The following KCNH2 variants were observed in gnomAD, a reference collection of about 807,000 sequenced individuals.
KCNH2 encodes the protein voltage-gated inwardly rectifying potassium channel KCNH2.
Under a neutral mutation model 95.9 loss-of-function variants are expected in KCNH2, and 35 were observed. The observed-to-expected ratio is 0.37, with a 90% CI of 0.28 to 0.48. KCNH2 has a LOEUF of 0.48. Among genes scored for constraint, KCNH2 ranks in the 20% least tolerant of loss-of-function variants. The pLI is 0.99. For missense variants in KCNH2, 1,274 were observed against 1,702.9 expected (o/e 0.75, Z 4.43); for synonymous variants, 786 against 754.7 (o/e 1.04, Z -0.68).
rs1800880379 is a variant in KCNH2, at chr7:150,946,160, CGCCT to C, written c.3331-650_3331-647del. ...AGTGGGGAGGGAGCAGATCCCAGGC[CGCCT>C]CTGGCAGCCAGAGGAGTCCCCACCA... On this transcript the variant is annotated intron_variant, in intron 14 of 14. Transcript: ENST00000262186. The surrounding 1 kb of genome is among the most constrained non-coding windows in gnomAD (Gnocchi z 6.5). Among the ~76,000 whole-genome samples the C allele has an allele frequency of 6.6e-6, 1 of 152,072 alleles. No individual in the cohort carries two copies. The highest frequency in any genetic ancestry group is 1.5e-5 in the Non-Finnish European group (1 of 68,002).
intron 2 of KCNH2, among the ~76,000 whole-genome samples, chr7:150,966,286 G>A (rs1160288708): frequency 0.031 from 1 of 32 alleles, no homozygotes; most frequent in African/African-American, 0.083. Flanking sequence ...ACCCCAGACA[G>A]CCTGGTAAGC....
intron 10 of KCNH2, 81 bp from the exon 11 acceptor site, chr7:150,948,624 C>A (rs1801014783): frequency 7.4e-7 from 1 of 1,350,030 alleles, no homozygotes. Flanking sequence ...CTCCTTAACA[C>A]AGAAAAAGTA....
At position 150,958,045 on chromosome 7, in the gene KCNH2, C is replaced by T. The variant is rs1009321830; in HGVS notation, c.916+14G>A. On this transcript the variant is annotated intron_variant, in intron 4 of 14. Coordinates refer to ENST00000262186, the MANE Select transcript of KCNH2 (RefSeq NM_000238.4). Reference sequence around the variant, plus strand: ...GCGTGGGCTGGGGCGGAACGGGTCCCGCGGCGCCCTCACCGGTGCTGGCGT... The same window carrying T: ...GCGTGGGCTGGGGCGGAACGGGTCCTGCGGCGCCCTCACCGGTGCTGGCGT... 3.2e-6 allele frequency: 4 copies of T among 1,262,640 alleles called. No homozygotes were observed. Among genetic ancestry groups the T allele is most frequent in the Non-Finnish European group, 9.9e-7 (1 of 1,007,580 alleles). The allele number at this position is 1,262,640 out of a possible 1,614,324, so 78.2% of individuals were successfully genotyped here. A position where few individuals can be genotyped will look rare whatever the true frequency, so the allele number is the denominator to read the frequency against.
Position 150,950,013 on chromosome 7 carries a change from G to A in KCNH2, c.2398+155C>T, listed in dbSNP as rs536958259. On this transcript the variant is annotated intron_variant, in intron 9 of 14. Transcript: ENST00000262186. Reference sequence around the variant, plus strand: ...ACGTGGGGCTCCTCTCCATGGCCCCGCTTGGAGGGCCTGAGTTTAGGTGAA... The same window carrying A: ...ACGTGGGGCTCCTCTCCATGGCCCCACTTGGAGGGCCTGAGTTTAGGTGAA... 32 of 1,573,130 alleles carry A rather than the reference G, an allele frequency of 2.0e-5. No homozygotes were observed. The highest frequency in any genetic ancestry group is 5.4e-5 in the African/African-American group (4 of 73,556).
At chr7:150,949,394 G>C in intron 9 of KCNH2, 1 of 766,162 alleles carries the variant, frequency 1.3e-6, no homozygotes, top group South Asian at 3.9e-5. Context: ...ACACAGTAGT[G>C]AATCAAAACC....
intron 2 of KCNH2, among the ~76,000 whole-genome samples, chr7:150,969,351 T>C (rs1185460645): frequency 2.6e-5 from 4 of 152,138 alleles, no homozygotes; most frequent in Non-Finnish European, 1.5e-5. Context: ...GTCACAACAA[T>C]AGAAGTGCCT....
chr7:150,977,474 C>T (rs928351563), intron 1 of KCNH2, among the ~76,000 whole-genome samples: 3 of 152,282 alleles, frequency 2.0e-5, no homozygotes, highest in South Asian at 4.1e-4. Context: ...TTGGGTCGTA[C>T]ACACTCTTAT....
Position 150,945,431 on chromosome 7 carries a change from T to A in KCNH2, c.3414A>T (p.Leu1138=), listed in dbSNP as rs1457023483. 6.4e-7 allele frequency: 1 copy of A among 1,573,462 alleles called. No individual in the cohort carries two copies. The highest frequency in any genetic ancestry group is 1.8e-5 in the Admixed American group (1 of 54,404). ...AGGTGAGGGCCCCCAGCTGGCCCGG[T>A]AGGGAGAGGCGTCGTGTGGGGCCTT... is the stretch of plus-strand genomic sequence containing the variant. ...PQEGPTRRLS[L]PGQLGALTSQ... The change falls in exon 15 of 15, where the codon CTA becomes CTT. Residue 1138 remains leucine, a synonymous_variant. Transcript: ENST00000262186. The surrounding 1 kb of genome is among the most constrained non-coding windows in gnomAD (Gnocchi z 5.6).
chr7:150,956,861 C>T (rs1464140629), intron 5 of KCNH2, among the ~76,000 whole-genome samples: 2 of 152,146 alleles, frequency 1.3e-5, no homozygotes, highest in Non-Finnish European at 2.9e-5. Context: ...ACCTCTGTGA[C>T]CCCTTCTCAT....
chr7:150,954,190 GCTGT>G (rs989014342), intron 5 of KCNH2, among the ~76,000 whole-genome samples: 1 of 152,102 alleles, frequency 6.6e-6, no homozygotes, highest in Non-Finnish European at 1.5e-5. Context: ...TGCTCTGTCT[GCTGT>G]CTAAGTGCCC....
In KCNH2 at chr7:150,958,106, G is replaced by A; in HGVS notation, c.869C>T (p.Ala290Val). 1 of 1,296,586 alleles carries A rather than the reference G, an allele frequency of 7.7e-7. No individual in the cohort carries two copies. The highest frequency in any genetic ancestry group is 9.7e-7 in the Non-Finnish European group (1 of 1,026,812). The allele number at this position is 1,296,586 out of a possible 1,614,324, so 80.3% of individuals were successfully genotyped here. A position where few individuals can be genotyped will look rare whatever the true frequency, so the allele number is the denominator to read the frequency against. The change falls in exon 4 of 15, where the codon GCC (alanine) becomes GTC (valine). Residue 290 changes from alanine to valine, a missense_variant. Ala to Val is a moderately conservative substitution (Grantham distance 64). Around this residue, in one of 7 missense-constraint regions of KCNH2, gnomAD observed 392 missense variants for 429.9 expected, o/e 0.91. Transcript: ENST00000262186. ...RRASSADDIE[A>V]MRAGVLPPPP... ...CGGGGGCAGCACCCCGGCGCGCATG[G>A]CCTCGATGTCGTCGGCCGACGAGGC...
intron 2 of KCNH2, among the ~76,000 whole-genome samples, chr7:150,968,717 TG>T (rs1801764360): frequency 6.6e-6 from 1 of 151,942 alleles, no homozygotes; most frequent in Non-Finnish European, 1.5e-5. Flanking sequence ...TTCAATTATT[TG>T]GGGGAGAGGC....
chr7:150,960,871 C>T (rs559676114), intron 2 of KCNH2, among the ~76,000 whole-genome samples: 18 of 151,668 alleles, frequency 1.2e-4, no homozygotes, highest in African/African-American at 3.4e-4. Context: ...CACCGCCCCC[C>T]GCCCCCCAAC....
chr7:150,955,407 C>T lies in KCNH2; in HGVS notation c.1128+1884G>A, dbSNP rs765679790. 15 of 1,560,580 alleles carry T rather than the reference C, an allele frequency of 9.6e-6. No individual in the cohort carries two copies. The Admixed American group carries it at 1.5e-4, about 16-fold the overall frequency. The stretch of plus-strand genomic sequence containing the variant: ...CGGGTGTCACCTACCTCCTGGGCCA[C>T]GAGGCTGGAGATGCGCACGGCCCGC... On this transcript the variant is annotated intron_variant, in intron 5 of 14. Coordinates refer to ENST00000262186, the MANE Select transcript of KCNH2 (RefSeq NM_000238.4).
rs143167166 is a variant in KCNH2, at chr7:150,945,375, G to A, written c.3470C>T (p.Pro1157Leu). The A allele has an allele frequency of 1.8e-5, 28 of 1,588,528 alleles. No homozygotes were observed. The highest frequency in any genetic ancestry group is 6.7e-5 in the African/African-American group (5 of 74,406). The change falls in exon 15 of 15, where the codon CCG (proline) becomes CTG (leucine). Residue 1157 changes from proline to leucine, a missense_variant. By Grantham distance (98) the Pro-to-Leu change is moderately conservative. Coordinates refer to ENST00000262186, the MANE Select transcript of KCNH2 (RefSeq NM_000238.4). This position sits in a 1 kb window ranked among gnomAD's most constrained non-coding sequence, Gnocchi z 5.6. ...CACTGGGCAGCCCCACTAACTGCCCGGGTCCGAGCCGTGTCTGTGCAGGGG... is the reference window on the plus strand; with the variant it reads ...CACTGGGCAGCCCCACTAACTGCCCAGGTCCGAGCCGTGTCTGTGCAGGGG... ...SQPLHRHGSDPGS is the reference protein window; with the variant it reads ...SQPLHRHGSDLGS
rs144926928 is a variant in KCNH2 at position 150,952,662 on chromosome 7, C to A, written c.1320G>T (p.Pro440=). The A allele has an allele frequency of 2.9e-4, 464 of 1,614,166 alleles. 9 individuals are homozygous for A. The Middle Eastern group carries it at 0.017, about 60-fold the overall frequency. ...AFLLKETEEG[P]PATECGYACQ... The stretch of plus-strand genomic sequence containing the variant: ...AGGCGTAGCCACACTCGGTAGCAGG[C>A]GGGCCTTCTTCCGTCTCCTTCAGCA... Residue 440 remains proline (P), a synonymous_variant, in exon 6 of 15, where the codon CCG becomes CCT. Coordinates refer to ENST00000262186, the MANE Select transcript of KCNH2 (RefSeq NM_000238.4). The surrounding 1 kb of genome is among the most constrained non-coding windows in gnomAD (Gnocchi z 7.3).
Position 150,974,930 on chromosome 7 carries a change from T to C in KCNH2, c.88A>G (p.Ile30Val). Reference sequence around the variant, plus strand: ...TTCTCCACCCGAGCGTTGGCGATGATGAACTTACGGCCTAGGGGGGCGGGG... The same window carrying C: ...TTCTCCACCCGAGCGTTGGCGATGACGAACTTACGGCCTAGGGGGGCGGGG... ...RKFEGQSRKF[I>V]IANARVENCA... Residue 30 changes from isoleucine (I) to valine (V), a missense_variant, in exon 2 of 15, where the codon ATC (isoleucine) becomes GTC (valine). Physicochemically the swap from Ile to Val is conservative, Grantham distance 29. Transcript: ENST00000262186. 6.2e-7 allele frequency: 1 copy of C among 1,605,330 alleles called. No individual in the cohort carries two copies. The highest frequency in any genetic ancestry group is 8.5e-7 in the Non-Finnish European group (1 of 1,177,316).
chr7:150,947,058 G>A lies in KCNH2; in HGVS notation c.3153-4C>T, dbSNP rs181119727. On this transcript the variant is annotated splice_region_variant and splice_polypyrimidine_tract_variant and intron_variant, in intron 13 of 14. Coordinates refer to ENST00000262186, the MANE Select transcript of KCNH2 (RefSeq NM_000238.4). ...TGCACTCAGCCGGGTCTCCAGCCTG[G>A]GGCAGGAAGTGGGGGATGCTCAGAG... The A allele has an allele frequency of 5.3e-5, 85 of 1,592,560 alleles. No individual in the cohort carries two copies. The Admixed American group carries it at 1.4e-3, about 26-fold the overall frequency.
At chr7:150,958,574 G>A in intron 3 of KCNH2, 72 bp from the exon 4 acceptor site, 1 of 1,302,314 alleles carries the variant, frequency 7.7e-7, no homozygotes, top group Non-Finnish European at 1.0e-6. Flanking sequence ...CTGGGAAATG[G>A]ACCCCCAGCC....
Sources: gnomAD v4.1 joint callset for allele counts (sites outside exome capture counted in the v4.1 genomes callset) on GRCh38, gnomAD v4.1.1 for gene constraint, gnomAD v4.1.1 regional missense constraint, Gnocchi (gnomAD v3.1) non-coding constraint, MANE v1.5 for transcripts, NCBI Gene and HGNC (gene_info 2026-07-23, HGNC 2026-07-21) for gene names.